The following STARD9 variants were observed in gnomAD, a reference collection of about 807,000 sequenced individuals.
The protein encoded by STARD9 is StAR related lipid transfer domain containing 9, also known as stAR-related lipid transfer protein 9.
Under a neutral mutation model 399.8 loss-of-function variants are expected in STARD9, and 346 were observed. That is an observed-to-expected ratio of 0.87 (90% CI 0.79 to 0.95). The LOEUF is 0.95. Ranked by LOEUF, STARD9 falls within the 40% of genes least tolerant of loss-of-function variation. The probability of loss-of-function intolerance (pLI) is 0.00; values close to 1 mark genes in which losing one functional copy is unlikely to be tolerated. For missense variants in STARD9, 5,832 were observed against 5,667.5 expected, an observed-to-expected ratio of 1.03 and a Z score of -0.93; for synonymous variants, 2,203 against 2,143.5, an observed-to-expected ratio of 1.03 and a Z score of -0.77.
At position 42,693,932 on chromosome 15, in the gene STARD9, C is replaced by A; in HGVS notation, c.12354C>A (p.Phe4118Leu). The A allele has an allele frequency of 6.6e-7, 1 of 1,507,736 alleles. No individual in the cohort carries two copies. Among genetic ancestry groups the A allele is most frequent in the Non-Finnish European group, 8.8e-7 (1 of 1,131,016 alleles). 93.4% of individuals were successfully genotyped at this position (1,507,736 alleles called of 1,614,324 possible). The change falls in exon 23 of 33, where the codon TTC (phenylalanine) becomes TTA (leucine). Residue 4118 changes from phenylalanine to leucine, a missense_variant. Coordinates refer to ENST00000290607, the MANE Select transcript of STARD9 (RefSeq NM_020759.3). ...GCCAACCTGAGGAGTTACTGTGCTT[C>A]AGTTGCCAGATGTGCATGGCCCCTG... ...QACQPEELLC[F>L]SCQMCMAPEH...
At chr15:42,650,069 T>A (rs1028225667) in intron 7 of STARD9, among the ~76,000 whole-genome samples, 11 of 151,830 alleles carry the variant, frequency 7.2e-5, no homozygotes, top group African/African-American at 2.4e-4. Context: ...TTTCTCCATG[T>A]TCGCCAGGCT....
chr15:42,717,748 G>C lies in STARD9; in HGVS notation c.13512G>C (p.Ser4504=). The change falls in exon 29 of 33, where the codon TCG becomes TCC. Residue 4504 remains serine, a synonymous_variant. Coordinates refer to ENST00000290607, the MANE Select transcript of STARD9 (RefSeq NM_020759.3). ...GTCCCCAGGTAATGGCTGCTTGTTC[G>C]GATAATTTGCACAACCTCTTCAGCT... ...TSMADVMAAC[S]DNLHNLFSCQ... is the part of the protein sequence containing the mutation. The C allele has an allele frequency of 6.5e-7, 1 of 1,537,204 alleles. No individual in the cohort carries two copies. Among genetic ancestry groups the C allele is most frequent in the Non-Finnish European group, 8.7e-7 (1 of 1,146,906 alleles).
chr15:42,578,035 C>A (rs2058091902), intron 1 of STARD9, among the ~76,000 whole-genome samples: 1 of 151,930 alleles, frequency 6.6e-6, no homozygotes, highest in African/African-American at 2.4e-5. Flanking sequence ...ACTGCTCTTT[C>A]TGAGATTACA....
chr15:42,599,768 C>T (rs993311897), intron 3 of STARD9, among the ~76,000 whole-genome samples: 3 of 152,190 alleles, frequency 2.0e-5, no homozygotes, highest in African/African-American at 4.8e-5. Context: ...TAGGAAGCAA[C>T]ACATGGGGTT....
intron 3 of STARD9, among the ~76,000 whole-genome samples, chr15:42,624,603 C>A (rs2059159866): frequency 6.6e-6 from 1 of 150,988 alleles, no homozygotes. Flanking sequence ...GGCTGGAGTG[C>A]AGTGACGCAA....
chr15:42,688,485 T>C lies in STARD9; in HGVS notation c.6907T>C (p.Cys2303Arg). The change falls in exon 23 of 33, where the codon TGT becomes CGT. Residue 2303 changes from cysteine to arginine, a missense_variant. Coordinates refer to ENST00000290607, the MANE Select transcript of STARD9 (RefSeq NM_020759.3). ...TQKFPSLSQL[C>R]RDTFFRQETV... ...GAAATTTCCTAGTCTCAGCCAGCTT[T>C]GTAGGGACACGTTTTTCAGGCAGGA... The C allele has an allele frequency of 1.3e-6, 2 of 1,537,912 alleles. No individual in the cohort carries two copies. Among genetic ancestry groups the C allele is most frequent in the South Asian group, 1.2e-5 (1 of 84,060 alleles).
intron 26 of STARD9, among the ~76,000 whole-genome samples, chr15:42,706,670 G>A (rs1367241734): frequency 6.6e-6 from 1 of 151,802 alleles, no homozygotes; most frequent in East Asian, 1.9e-4. Flanking sequence ...GGCTCGTCTC[G>A]AACCCCTGAC....
rs186205314 is a variant in STARD9 at position 42,696,367 on chromosome 15, G to A, written c.13284+487G>A. 8.5e-5 allele frequency among the ~76,000 whole-genome samples: 13 copies of A among 152,336 alleles called. No individual in the cohort carries two copies. In the East Asian group the frequency reaches 9.6e-4, roughly 11 times the overall value. On this transcript the variant is annotated intron_variant, in intron 26 of 32. Coordinates refer to ENST00000290607, the MANE Select transcript of STARD9 (RefSeq NM_020759.3). ...GGTGCTGTTATTGGGAGAGATGTGG[G>A]CCTAGCAAGTGAGGCCTTGAGGAAG...
chr15:42,661,491 C>T (rs1452778332), intron 10 of STARD9, among the ~76,000 whole-genome samples: 1 of 151,962 alleles, frequency 6.6e-6, no homozygotes, highest in African/African-American at 2.4e-5. Flanking sequence ...AGGCTCCAGG[C>T]TGGAGTGCAG....
intron 9 of STARD9, among the ~76,000 whole-genome samples, chr15:42,653,882 A>G (rs1324219380): frequency 6.6e-6 from 1 of 152,202 alleles, no homozygotes; most frequent in Non-Finnish European, 1.5e-5. Context: ...TAAAACCACA[A>G]TTGTAACAAT....
intron 16 of STARD9, 199 bp downstream of exon 16, chr15:42,669,536 C>A (rs1266649449): frequency 2.4e-6 from 1 of 421,156 alleles, no homozygotes; most frequent in Non-Finnish European, 4.2e-6. Flanking sequence ...GAGCAGAAGA[C>A]TGGAAATCAG....
intron 7 of STARD9, among the ~76,000 whole-genome samples, chr15:42,646,869 A>C (rs1489919370): frequency 6.6e-6 from 1 of 152,154 alleles, no homozygotes; most frequent in East Asian, 1.9e-4. Flanking sequence ...AGACTCTTTC[A>C]CTTGGACACT....
At position 42,575,740 on chromosome 15, in the gene STARD9, C is replaced by T; in HGVS notation, c.25C>T (p.Arg9Trp). 2 of 1,536,680 alleles carry T rather than the reference C, an allele frequency of 1.3e-6. No homozygotes were observed. Among genetic ancestry groups the T allele is most frequent in the Non-Finnish European group, 1.7e-6 (2 of 1,146,804 alleles). Residue 9 changes from arginine to tryptophan, a missense_variant, in exon 1 of 33, where the codon CGG (arginine) becomes TGG (tryptophan). Physicochemically the swap from Arg to Trp is moderately radical, Grantham distance 101. Transcript: ENST00000290607. MANVQVAVRVRPLSKRETK... is the reference protein window; with the variant it reads MANVQVAVWVRPLSKRETK... ...GATGGCGAACGTGCAGGTCGCCGTGCGGGTCCGGCCGCTCAGCAAGAGGTG... is the reference window on the plus strand; with the variant it reads ...GATGGCGAACGTGCAGGTCGCCGTGTGGGTCCGGCCGCTCAGCAAGAGGTG...
chr15:42,688,359 G>T lies in STARD9; in HGVS notation c.6781G>T (p.Val2261Leu). Residue 2261 changes from valine (V) to leucine (L), a missense_variant, in exon 23 of 33, where the codon GTA (valine) becomes TTA (leucine). Transcript: ENST00000290607. ...GFQESQVAEHVSSSNQEEPKA... is the reference protein window; with the variant it reads ...GFQESQVAEHLSSSNQEEPKA... ...TCAGGAAAGCCAAGTAGCTGAACACGTAAGTAGTTCCAACCAAGAAGAGCC... is the reference window on the plus strand; with the variant it reads ...TCAGGAAAGCCAAGTAGCTGAACACTTAAGTAGTTCCAACCAAGAAGAGCC... 1 of 1,536,852 alleles carries T rather than the reference G, an allele frequency of 6.5e-7. No individual in the cohort carries two copies. Among genetic ancestry groups the T allele is most frequent in the Non-Finnish European group, 8.7e-7 (1 of 1,146,982 alleles).
rs1566966057 is a variant in STARD9, at chr15:42,712,090, T to TATAAAATATAAA, written c.13285-4584_13285-4583insAAATATAAAATA. Among the ~76,000 whole-genome samples the TATAAAATATAAA allele has an allele frequency of 5.2e-3, 32 of 6,142 alleles. 1 individual carries two copies. The highest frequency in any genetic ancestry group is 0.028 in the African/African-American group (31 of 1,114). 4.0% of individuals were successfully genotyped at this position (6,142 alleles called of 152,430 possible). On this transcript the variant is annotated intron_variant, in intron 26 of 32. Coordinates refer to ENST00000290607, the MANE Select transcript of STARD9 (RefSeq NM_020759.3). ...TATATATATATATATATTATATATA[T>TATAAAATATAAA]ATATATAATATATAATATATAATAT...
At position 42,690,399 on chromosome 15, in the gene STARD9, A is replaced by T; in HGVS notation, c.8821A>T (p.Ser2941Cys). Residue 2941 changes from serine to cysteine, a missense_variant, in exon 23 of 33, where the codon AGC (serine) becomes TGC (cysteine). Coordinates refer to ENST00000290607, the MANE Select transcript of STARD9 (RefSeq NM_020759.3). ...SRNPEGSRTL[S>C]PSRGKESRTL... ...GAACCCTGAAGGCAGCAGGACTCTC[A>T]GCCCGTCTAGAGGGAAAGAGAGCAG... 6.5e-7 allele frequency: 1 copy of T among 1,537,254 alleles called. No individual in the cohort carries two copies. The highest frequency in any genetic ancestry group is 8.7e-7 in the Non-Finnish European group (1 of 1,146,898).
chr15:42,718,134 C>T lies in STARD9; in HGVS notation c.13717C>T (p.Gln4573Ter), dbSNP rs2061385913. The change falls in exon 30 of 33, where the codon CAG (glutamine) becomes TAG (stop). Residue 4573 changes from glutamine (Q) to a stop codon, truncating the protein, a stop_gained. Coordinates refer to ENST00000290607, the MANE Select transcript of STARD9 (RefSeq NM_020759.3). LOFTEE classifies it high-confidence loss of function. ...GTGGCCCCTGTATTACAAGCCCATCCAGACAGCAAGGCTGCATCAGCGAGT... is the reference window on the plus strand; with the variant it reads ...GTGGCCCCTGTATTACAAGCCCATCTAGACAGCAAGGCTGCATCAGCGAGT... ...TVWPLYYKPI[Q>*]TARLHQRVTN... The T allele has an allele frequency of 6.5e-7, 1 of 1,537,178 alleles. No homozygotes were observed.
chr15:42,699,387 CTTTTCTTTTTTT>C (rs2140326535), intron 26 of STARD9, among the ~76,000 whole-genome samples: 1 of 128,086 alleles, frequency 7.8e-6, no homozygotes, highest in African/African-American at 3.7e-5. Context: ...CAACTTTTTT[CTTTTCTTTTTTT>C]TTTTTTTTTT....
intron 9 of STARD9, among the ~76,000 whole-genome samples, chr15:42,659,756 C>T (rs1041944306): frequency 1.3e-5 from 2 of 152,170 alleles, no homozygotes; most frequent in African/African-American, 4.8e-5. Context: ...AATTTCCTGA[C>T]CTCATGATCC....
Sources: gnomAD v4.1 joint callset for allele counts (sites outside exome capture counted in the v4.1 genomes callset) on GRCh38, gnomAD v4.1.1 for gene constraint, MANE v1.5 for transcripts, NCBI Gene and HGNC (gene_info 2026-07-23, HGNC 2026-07-21) for gene names.